DDX50: variants seen among roughly 807,000 people sequenced by gnomAD.
DDX50 encodes the protein DExD-box helicase 50.
In DDX50, 56 loss-of-function variants were observed where a neutral mutation model predicts 94.8. That is an observed-to-expected ratio of 0.59 (90% CI 0.48 to 0.74). DDX50 has a LOEUF of 0.74. Ranked by LOEUF, DDX50 falls within the 30% of genes least tolerant of loss-of-function variation. The pLI is 0.00. For synonymous variants in DDX50, 264 were observed against 295.4 expected, an observed-to-expected ratio of 0.89 and a Z score of 1.09; for missense variants, 713 against 881.2, an observed-to-expected ratio of 0.81 and a Z score of 2.42.
intron 12 of DDX50, among the ~76,000 whole-genome samples, chr10:68,940,357 T>G (rs1589273217): frequency 6.9e-6 from 1 of 145,908 alleles, no homozygotes; most frequent in Non-Finnish European, 1.5e-5. Flanking sequence ...CCAACCTGGG[T>G]GACAGAGCGA....
chr10:68,918,081 T>C (rs566614772), intron 7 of DDX50, among the ~76,000 whole-genome samples: 4 of 152,058 alleles, frequency 2.6e-5, no homozygotes, highest in Admixed American at 2.6e-4. Flanking sequence ...TCTGCCACCA[T>C]GCCCAGCTAA....
chr10:68,943,570 G>T (rs1400032147), intron 14 of DDX50, among the ~76,000 whole-genome samples: 5 of 152,014 alleles, frequency 3.3e-5, no homozygotes, highest in Non-Finnish European at 5.9e-5. Context: ...GCTAACATGA[G>T]CCACCATGCC....
At chr10:68,919,210 A>C (rs567297299) in intron 7 of DDX50, among the ~76,000 whole-genome samples, 1 of 152,230 alleles carries the variant, frequency 6.6e-6, no homozygotes, top group South Asian at 2.1e-4. Flanking sequence ...CTGTAAATGT[A>C]ATCATACAAT....
chr10:68,901,669 G>A (rs1841291340), intron 1 of DDX50, among the ~76,000 whole-genome samples, 198 bp downstream of exon 1: 1 of 152,174 alleles, frequency 6.6e-6, no homozygotes, highest in South Asian at 2.1e-4. Context: ...AGATGGCCCT[G>A]GGCTTTGGGC....
intron 7 of DDX50, among the ~76,000 whole-genome samples, chr10:68,917,930 C>G (rs1464542859): frequency 6.9e-6 from 1 of 145,846 alleles, no homozygotes; most frequent in Admixed American, 6.9e-5. Context: ...ACATACATAT[C>G]TTTTTTTTTT....
intron 7 of DDX50, 73 bp from the exon 8 acceptor site, chr10:68,919,759 A>G: frequency 6.4e-7 from 1 of 1,566,188 alleles, no homozygotes; most frequent in East Asian, 2.4e-5. Flanking sequence ...GACCAGATAG[A>G]AAAAATACAC....
chr10:68,909,889 T>C (rs1841574642), intron 2 of DDX50, among the ~76,000 whole-genome samples: 1 of 152,194 alleles, frequency 6.6e-6, no homozygotes, highest in South Asian at 2.1e-4. Flanking sequence ...CTTGAACTCC[T>C]GACCTCACAT....
At chr10:68,925,020 G>A (rs1842043021) in intron 8 of DDX50, among the ~76,000 whole-genome samples, 1 of 151,604 alleles carries the variant, frequency 6.6e-6, no homozygotes, top group African/African-American at 2.4e-5. Context: ...TGAAAGACTG[G>A]GTCCCTGAAT....
At chr10:68,920,359 C>T (rs967357801) in intron 8 of DDX50, among the ~76,000 whole-genome samples, 8 of 152,088 alleles carry the variant, frequency 5.3e-5, no homozygotes, top group African/African-American at 1.9e-4. Context: ...GATAAGATTT[C>T]ACCATGTAGC....
intron 12 of DDX50, among the ~76,000 whole-genome samples, chr10:68,937,565 T>C (rs1208078263): frequency 6.6e-6 from 1 of 151,192 alleles, no homozygotes; most frequent in Admixed American, 6.7e-5. Context: ...ATCTTCCTTC[T>C]TGCTTTATAA....
chr10:68,904,170 C>G (rs909253867), intron 1 of DDX50, among the ~76,000 whole-genome samples: 2 of 151,414 alleles, frequency 1.3e-5, no homozygotes, highest in Admixed American at 1.3e-4. Context: ...AATTAGCCAG[C>G]CGTTGTAGCT....
intron 13 of DDX50, among the ~76,000 whole-genome samples, chr10:68,941,713 C>T (rs1319438651): frequency 6.6e-6 from 1 of 152,104 alleles, no homozygotes; most frequent in Non-Finnish European, 1.5e-5. Flanking sequence ...AATCTCGGCT[C>T]ACTGCAACCT....
intron 14 of DDX50, among the ~76,000 whole-genome samples, chr10:68,945,451 C>T (rs556979303): frequency 2.0e-5 from 3 of 152,122 alleles, no homozygotes; most frequent in East Asian, 3.9e-4. Flanking sequence ...GGATTACAGG[C>T]GCCCACCACC....
Position 68,932,786 on chromosome 10 carries a change from TATTAA to T in DDX50, c.1240-1409_1240-1405del, listed in dbSNP as rs540218845. On this transcript the variant is annotated intron_variant, in intron 8 of 14. Coordinates refer to ENST00000373585, the MANE Select transcript of DDX50 (RefSeq NM_024045.2). ...ACAACATTGGGAAATTATTTTTGCCTATTAAATTCACAAAGATTACAATGATTTAT... is the reference window on the plus strand; with the variant it reads ...ACAACATTGGGAAATTATTTTTGCCTATTCACAAAGATTACAATGATTTAT... 2.6e-5 allele frequency among the ~76,000 whole-genome samples: 4 copies of T among 152,326 alleles called. No individual in the cohort carries two copies. The East Asian group carries it at 5.8e-4, about 22-fold the overall frequency.
intron 6 of DDX50, among the ~76,000 whole-genome samples, chr10:68,913,847 A>G (rs185547849): frequency 6.6e-6 from 1 of 152,240 alleles, no homozygotes; most frequent in East Asian, 1.9e-4. Flanking sequence ...TCCTGCTTAA[A>G]TTCTCACTTT....
At chr10:68,915,302 A>G (rs1030987670) in intron 7 of DDX50, among the ~76,000 whole-genome samples, 2 of 151,068 alleles carry the variant, frequency 1.3e-5, no homozygotes, top group Non-Finnish European at 2.9e-5. Flanking sequence ...AGTTCCAGCT[A>G]CTCGGGAGGC....
chr10:68,923,263 T>G (rs1723001012), intron 8 of DDX50, among the ~76,000 whole-genome samples: 3 of 148,232 alleles, frequency 2.0e-5, no homozygotes, highest in African/African-American at 7.4e-5. Context: ...CAGGCTCAAG[T>G]GCAGTGGCAT....
At chr10:68,943,485 T>C (rs767301867) in intron 14 of DDX50, among the ~76,000 whole-genome samples, 2 of 152,288 alleles carry the variant, frequency 1.3e-5, no homozygotes, top group Admixed American at 6.5e-5. Context: ...CAACCTTGAA[T>C]TCCTGGGCTC....
At chr10:68,911,362 A>C in intron 4 of DDX50, 116 bp downstream of exon 4, 1 of 1,117,858 alleles carries the variant, frequency 8.9e-7, no homozygotes, top group Non-Finnish European at 1.2e-6. Context: ...CTGTGGCATA[A>C]AACAAAAATA....
Sources: allele counts gnomAD v4.1 joint callset (sites outside exome capture counted in the v4.1 genomes callset), GRCh38; gene constraint gnomAD v4.1.1; transcripts MANE v1.5; gene names NCBI Gene and HGNC (gene_info 2026-07-23, HGNC 2026-07-21).